The following MED13L variants were observed in gnomAD, a reference collection of about 807,000 sequenced individuals.
MED13L encodes the protein mediator of RNA polymerase II transcription subunit 13-like.
MED13L carries 7 observed loss-of-function variants against 220.9 expected under a neutral mutation model. The observed-to-expected ratio is 0.03, with a 90% CI of 0.02 to 0.06. The LOEUF (loss-of-function observed/expected upper bound fraction) is 0.06. Among genes scored for constraint, MED13L ranks in the 10% least tolerant of loss-of-function variants. The pLI, the probability that MED13L is intolerant of heterozygous loss-of-function variation, is 1.00. For synonymous variants in MED13L, 1,011 were observed against 1,015.2 expected (o/e 1.00, Z 0.08); for missense variants, 1,965 against 2,760.5 (o/e 0.71, Z 6.46).
At chr12:116,050,247 A>G (rs1868376159) in intron 4 of MED13L, among the ~76,000 whole-genome samples, 1 of 152,204 alleles carries the variant, frequency 6.6e-6, no homozygotes, top group Non-Finnish European at 1.5e-5. Context: ...AACCTGGCAG[A>G]TCAGGACAAG....
chr12:116,078,066 C>T (rs1870943129), intron 4 of MED13L, among the ~76,000 whole-genome samples: 1 of 151,034 alleles, frequency 6.6e-6, no homozygotes, highest in Admixed American at 6.6e-5. Context: ...ATTGCTTGAA[C>T]CCGGGAGTCA....
At chr12:116,217,343 T>C (rs1484492848) in intron 2 of MED13L, among the ~76,000 whole-genome samples, 2 of 152,220 alleles carry the variant, frequency 1.3e-5, no homozygotes, top group East Asian at 3.8e-4. Context: ...CTTGGGAAGC[T>C]GGAAGAGATT....
At chr12:116,022,699 C>T (rs1252515070) in intron 4 of MED13L, 98 bp from the exon 5 acceptor site, 10 of 1,304,980 alleles carry the variant, frequency 7.7e-6, no homozygotes, top group African/African-American at 2.9e-5. Flanking sequence ...CTTTATCAAC[C>T]GTCCAGTAAG....
At chr12:116,064,179 T>G (rs913281747) in intron 4 of MED13L, among the ~76,000 whole-genome samples, 1 of 149,618 alleles carries the variant, frequency 6.7e-6, no homozygotes, top group Non-Finnish European at 1.5e-5. Flanking sequence ...CAAGACCCCG[T>G]CTCAAAAAAA....
chr12:116,039,923 A>C (rs138386959), intron 4 of MED13L, among the ~76,000 whole-genome samples: 63 of 152,268 alleles, frequency 4.1e-4, no homozygotes, highest in Middle Eastern at 6.8e-3. Context: ...TGGTATTTAA[A>C]GGCAGTAGGG....
intron 2 of MED13L, among the ~76,000 whole-genome samples, chr12:116,126,396 G>A (rs1042702162): frequency 2.0e-5 from 3 of 152,108 alleles, no homozygotes; most frequent in Non-Finnish European, 1.5e-5. Context: ...AGGCCTGGGC[G>A]GCTCCCATAA....
chr12:116,026,650 C>T (rs1880412590), intron 4 of MED13L, among the ~76,000 whole-genome samples: 1 of 152,188 alleles, frequency 6.6e-6, no homozygotes, highest in Non-Finnish European at 1.5e-5. Context: ...TTGAGAATCA[C>T]TGGATTTGAT....
At chr12:116,066,228 TAA>T (rs1052427185) in intron 4 of MED13L, among the ~76,000 whole-genome samples, 23 of 152,250 alleles carry the variant, frequency 1.5e-4, no homozygotes, top group African/African-American at 4.8e-4. Context: ...GTAAAAAAGG[TAA>T]AGAGTTTTCA....
intron 3 of MED13L, among the ~76,000 whole-genome samples, chr12:116,100,736 T>C (rs952107633): frequency 2.6e-5 from 4 of 151,898 alleles, no homozygotes; most frequent in Non-Finnish European, 5.9e-5. Flanking sequence ...TGGAACCCTG[T>C]ATCTACAAAA....
intron 4 of MED13L, among the ~76,000 whole-genome samples, chr12:116,039,865 A>C (rs905351787): frequency 2.6e-5 from 4 of 152,108 alleles, no homozygotes; most frequent in African/African-American, 9.7e-5. Flanking sequence ...GGAACTGAGG[A>C]AAGAGGTCGG....
intron 1 of MED13L, among the ~76,000 whole-genome samples, chr12:116,264,160 T>C (rs927576605): frequency 6.6e-6 from 1 of 152,170 alleles, no homozygotes; most frequent in Non-Finnish European, 1.5e-5. Flanking sequence ...GAGAAGACAC[T>C]GACTAAAGAG....
intron 17 of MED13L, among the ~76,000 whole-genome samples, chr12:115,988,203 A>G (rs892777313): frequency 6.6e-6 from 1 of 152,218 alleles, no homozygotes; most frequent in African/African-American, 2.4e-5. Context: ...CAGGATGATT[A>G]AGGATTCTTA....
At chr12:116,094,698 G>C (rs1268153009) in intron 4 of MED13L, among the ~76,000 whole-genome samples, 1 of 152,164 alleles carries the variant, frequency 6.6e-6, no homozygotes, top group Non-Finnish European at 1.5e-5. Flanking sequence ...CCAGTGACCA[G>C]TGACACAATC....
At chr12:116,247,037 T>C (rs868120914) in intron 1 of MED13L, among the ~76,000 whole-genome samples, 11 of 152,064 alleles carry the variant, frequency 7.2e-5, no homozygotes, top group Non-Finnish European at 1.5e-4. Flanking sequence ...GTGGAAGATA[T>C]AGAATTGAAA....
chr12:116,135,107 T>G (rs1372262115), intron 2 of MED13L, among the ~76,000 whole-genome samples: 1 of 152,152 alleles, frequency 6.6e-6, no homozygotes, highest in Non-Finnish European at 1.5e-5. Context: ...AGGCAGAGGT[T>G]GCAGTGAGCT....
intron 2 of MED13L, among the ~76,000 whole-genome samples, chr12:116,159,293 A>C (rs1041844456): frequency 2.6e-5 from 4 of 152,204 alleles, no homozygotes; most frequent in Non-Finnish European, 5.9e-5. Flanking sequence ...GTTTATGTAG[A>C]CATCACAAAA....
intron 1 of MED13L, among the ~76,000 whole-genome samples, chr12:116,274,627 C>T (rs997592211): frequency 2.7e-5 from 4 of 149,404 alleles, no homozygotes; most frequent in Non-Finnish European, 4.5e-5. Context: ...AAAAAAAAAT[C>T]TCAATTTGGA....
intron 1 of MED13L, among the ~76,000 whole-genome samples, chr12:116,267,787 C>T (rs755442554): frequency 1.3e-5 from 2 of 152,158 alleles, no homozygotes; most frequent in East Asian, 1.9e-4. Flanking sequence ...CCCCAGAAGG[C>T]TCAAAAATCT....
intron 8 of MED13L, among the ~76,000 whole-genome samples, chr12:116,013,797 A>G (rs900292405): frequency 2.6e-5 from 4 of 152,226 alleles, no homozygotes; most frequent in Admixed American, 2.6e-4. Flanking sequence ...GTGTTTCAAC[A>G]GTGGCTCTAC....
Sources: gnomAD v4.1 joint callset for allele counts (sites outside exome capture counted in the v4.1 genomes callset) on GRCh38, gnomAD v4.1.1 for gene constraint, MANE v1.5 for transcripts, NCBI Gene and HGNC (gene_info 2026-07-23, HGNC 2026-07-21) for gene names.